ZNF185: variants seen among roughly 807,000 people sequenced by gnomAD.
ZNF185 encodes zinc finger protein 185 with LIM domain.
In ZNF185, 56 loss-of-function variants were observed where a neutral mutation model predicts 58.6. The ratio of observed to expected loss-of-function variants is 0.95; its 90% CI spans 0.77 to 1.19. The LOEUF (loss-of-function observed/expected upper bound fraction) is 1.19, where lower values mean the gene tolerates loss of function less well. Ranked by LOEUF, ZNF185 falls within the 50% of genes most tolerant of loss-of-function variation. ZNF185 has a pLI of 0.00. For missense variants in ZNF185, 627 were observed against 573.5 expected (o/e 1.09, Z -0.95); for synonymous variants, 230 against 215.9 (o/e 1.07, Z -0.57).
chrX:152,932,657 T>C (rs1556878445), intron 13 of ZNF185, among the ~76,000 whole-genome samples: 1 of 111,730 alleles, frequency 9.0e-6, no homozygotes. Flanking sequence ...CCTCCTGACT[T>C]TCCACCTTGC....
chrX:152,936,536 A>C (rs1411066884), intron 14 of ZNF185, 23 bp downstream of exon 16: 1 of 1,137,014 alleles, frequency 8.8e-7, no homozygotes, highest in African/African-American at 1.8e-5. Flanking sequence ...CCACTGCCCT[A>C]GTGCCCTATC....
At chrX:152,917,205 C>T (rs1556866444) in intron 4 of ZNF185, 36 bp downstream of exon 5, 14 of 1,209,678 alleles carry the variant, frequency 1.2e-5, no homozygotes, top group African/African-American at 5.2e-5. Flanking sequence ...CCTTCCTGTG[C>T]CCACTCACGC....
chrX:152,953,451 C>T (rs12387608), intron 16 of ZNF185, among the ~76,000 whole-genome samples: 3,740 of 111,919 alleles, frequency 0.033, 144 homozygotes, highest in African/African-American at 0.11. Context: ...AATCCCAGCA[C>T]TTGAGAAGCT....
rs1603321188 is a variant in ZNF185, at chrX:152,965,398, C to T, written c.1719-49C>T. On this transcript the variant is annotated intron_variant, in intron 18 of 22. Coordinates refer to ENST00000449285, the Ensembl canonical transcript of ZNF185. ...CACTCCTGTGGGCCAGGCCTGGTTC[C>T]CTGGAATCTTCTGGTGTACCTCTGA... 2.7e-5 allele frequency: 30 copies of T among 1,117,279 alleles called. 2 individuals are homozygous for T. In the African/African-American group the frequency reaches 2.9e-4, roughly 11 times the overall value. 92.1% of individuals were successfully genotyped at this position (1,117,279 alleles called of 1,213,427 possible).
In ZNF185 at chrX:152,922,276, T is replaced by C. The variant is rs1236748578; in HGVS notation, c.740+20T>C. On this transcript the variant is annotated intron_variant, in intron 10 of 22. Coordinates refer to ENST00000449285, the Ensembl canonical transcript of ZNF185. ...AAACAGGTAATCCATTGCGCTCATC[T>C]CTGCCTGGGGCTGGTGGCTGCCATA... 1 of 1,158,267 alleles carries C rather than the reference T, an allele frequency of 8.6e-7. No homozygotes were observed. The highest frequency in any genetic ancestry group is 1.2e-6 in the Non-Finnish European group (1 of 866,938).
Position 152,938,145 on chromosome X carries a change from CA to C in ZNF185, c.1196del (p.Lys399ArgfsTer74). The C allele has an allele frequency of 8.4e-7, 1 of 1,183,948 alleles. No homozygotes were observed. Among genetic ancestry groups the C allele is most frequent in the East Asian group, 3.1e-5 (1 of 32,263 alleles). On this transcript the variant is annotated frameshift_variant, in exon 15 of 23. Transcript: ENST00000449285. LOFTEE classifies it high-confidence loss of function. ...AACAGCACAGCAGCCCAGGAGGATG[CA>C]AAGGCAGACCCAAAGGGGTAAGGCA...
At chrX:152,958,839 C>G (rs1433101271) in intron 16 of ZNF185, among the ~76,000 whole-genome samples, 4 of 112,202 alleles carry the variant, frequency 3.6e-5, no homozygotes. Flanking sequence ...GAAAACTACG[C>G]GGTCACAACG....
the ZNF185 span, among the ~76,000 whole-genome samples, chrX:152,904,622 G>A: frequency 5.3e-5 from 6 of 112,658 alleles, no homozygotes; most frequent in Non-Finnish European, 1.1e-4. Flanking sequence ...TCAGCCAAGT[G>A]CGTGCCTTGA....
intron 14 of ZNF185, 132 bp from the exon 17 acceptor site, chrX:152,937,942 G>T (rs782211721): frequency 1.3e-4 from 75 of 570,894 alleles, no homozygotes; most frequent in Non-Finnish European, 1.9e-4. Context: ...CTAATGCCAG[G>T]ACTGAGACAC....
chrX:152,909,553 ATG>A, upstream of ZNF185, among the ~76,000 whole-genome samples: 1 of 112,210 alleles, frequency 8.9e-6, no homozygotes. Flanking sequence ...GGCCCCGTAC[ATG>A]TGTGAACGGA....
At chrX:152,909,563 G>A (rs782526568), upstream of ZNF185, among the ~76,000 whole-genome samples, 1 of 112,399 alleles carries the variant, frequency 8.9e-6, no homozygotes, top group African/African-American at 3.2e-5. Context: ...ATGTGTGAAC[G>A]GAGAAGCCGG....
At chrX:152,963,860 C>T in exon 18 of ZNF185, 1 of 1,211,536 alleles carries the variant, frequency 8.3e-7, no homozygotes, top group Non-Finnish European at 1.1e-6. Context: ...CCTCGAGCTG[C>T]ATGGTCACTG....
At chrX:152,961,628 G>A (rs1471454109) in intron 17 of ZNF185, among the ~76,000 whole-genome samples, 1 of 112,319 alleles carries the variant, frequency 8.9e-6, no homozygotes, top group East Asian at 2.8e-4. Context: ...CATGTACACA[G>A]TGAACACGAT....
chrX:152,925,879 T>G (rs1940768577), intron 11 of ZNF185, among the ~76,000 whole-genome samples: 1 of 112,479 alleles, frequency 8.9e-6, no homozygotes, highest in African/African-American at 3.2e-5. Context: ...CCCCACCCCC[T>G]GCCCTGCCCT....
intron 22 of ZNF185, among the ~76,000 whole-genome samples, chrX:152,970,785 G>A (rs946641065): frequency 2.7e-5 from 3 of 111,159 alleles, no homozygotes; most frequent in African/African-American, 6.6e-5. Context: ...CACCTGAGCC[G>A]AGCCCTCTAG....
At position 152,941,564 on chromosome X, in the gene ZNF185, C is replaced by T. The variant is rs1481497366; in HGVS notation, c.1211+3401C>T. The T allele has an allele frequency of 3.0e-6, 3 of 1,007,104 alleles. No individual in the cohort carries two copies. The African/African-American group carries it at 6.0e-5, about 20-fold the overall frequency. The allele number at this position is 1,007,104 out of a possible 1,213,427, so 83.0% of individuals were successfully genotyped here. A position where few individuals can be genotyped will look rare whatever the true frequency, so the allele number is the denominator to read the frequency against. On this transcript the variant is annotated intron_variant, in intron 15 of 22. Coordinates refer to ENST00000449285, the Ensembl canonical transcript of ZNF185. ...GTGCGCCTGCGCGAATGCGCGCTCGCCACCAGCGTACGCGACGCGTGCGCG... is the reference window on the plus strand; with the variant it reads ...GTGCGCCTGCGCGAATGCGCGCTCGTCACCAGCGTACGCGACGCGTGCGCG...
At chrX:152,925,759 A>G (rs1940743584) in intron 11 of ZNF185, among the ~76,000 whole-genome samples, 2 of 112,141 alleles carry the variant, frequency 1.8e-5, no homozygotes, top group South Asian at 3.7e-4. Context: ...CAATGACTCA[A>G]TCAAACTCAG....
intron 17 of ZNF185, among the ~76,000 whole-genome samples, chrX:152,962,793 T>G (rs782326284): frequency 8.9e-6 from 1 of 112,671 alleles, no homozygotes; most frequent in South Asian, 3.7e-4. Context: ...TGCAGGCTGG[T>G]CTGTACGGCT....
At chrX:152,959,675 C>T in intron 16 of ZNF185, 24 bp from the exon 19 acceptor site, 7 of 1,200,239 alleles carry the variant, frequency 5.8e-6, no homozygotes, top group South Asian at 1.8e-5. Context: ...GCACTCACTT[C>T]ATAAGGGTCT....
Sources: allele counts gnomAD v4.1 joint callset (sites outside exome capture counted in the v4.1 genomes callset), GRCh38; gene constraint gnomAD v4.1.1; transcripts MANE v1.5; gene names NCBI Gene and HGNC (gene_info 2026-07-23, HGNC 2026-07-21).